RFX6: variants seen among roughly 807,000 people sequenced by gnomAD.
RFX6 encodes the protein DNA-binding protein RFX6.
A neutral mutation model predicts 110.8 loss-of-function variants in RFX6; 50 were observed. That is an observed-to-expected ratio of 0.45 (90% CI 0.36 to 0.57). RFX6 has a LOEUF of 0.57. Among genes scored for constraint, RFX6 ranks in the 20% least tolerant of loss-of-function variants. The probability of loss-of-function intolerance (pLI) is 0.00; values close to 1 mark genes in which losing one functional copy is unlikely to be tolerated. For synonymous variants in RFX6, 383 were observed against 411.2 expected, an observed-to-expected ratio of 0.93 and a Z score of 0.83; for missense variants, 990 against 1,127.0, an observed-to-expected ratio of 0.88 and a Z score of 1.74.
At chr6:116,898,880 G>A (rs372373264) in intron 6 of RFX6, among the ~76,000 whole-genome samples, 4 of 152,172 alleles carry the variant, frequency 2.6e-5, no homozygotes, top group African/African-American at 9.7e-5. Context: ...GTTTTCTAGA[G>A]AGAATATAGC....
At chr6:116,927,662 T>C in intron 17 of RFX6, 123 bp downstream of exon 17, 1 of 823,174 alleles carries the variant, frequency 1.2e-6, no homozygotes, top group Non-Finnish European at 2.0e-6. Context: ...GATCATGGAA[T>C]CTTAGACATT....
At chr6:116,894,169 A>G in intron 5 of RFX6, 105 bp downstream of exon 5, 1 of 767,136 alleles carries the variant, frequency 1.3e-6, no homozygotes, top group Non-Finnish European at 2.4e-6. Flanking sequence ...AGATGTTTCC[A>G]TTTAAGCATC....
chr6:116,915,822 T>C (rs557649866), intron 7 of RFX6, among the ~76,000 whole-genome samples, 186 bp from the exon 8 acceptor site: 1 of 152,270 alleles, frequency 6.6e-6, no homozygotes, highest in African/African-American at 2.4e-5. Flanking sequence ...ATTTGTTTGC[T>C]TTTCTCCCTT....
At chr6:116,877,988 T>C (rs1354441729) in intron 2 of RFX6, 36 bp downstream of exon 2, 6 of 1,603,440 alleles carry the variant, frequency 3.7e-6, no homozygotes, top group South Asian at 1.1e-5. Context: ...GAAGCACCTG[T>C]TGACGTTTTA....
At chr6:116,923,433 T>C (rs1775645328) in intron 14 of RFX6, 5 of 562,218 alleles carry the variant, frequency 8.9e-6, no homozygotes, top group Non-Finnish European at 1.6e-5. Flanking sequence ...TCTCTGGCTA[T>C]GGGCCAATCT....
chr6:116,903,180 A>T (rs1775113052), intron 6 of RFX6, among the ~76,000 whole-genome samples: 1 of 152,020 alleles, frequency 6.6e-6, no homozygotes, highest in South Asian at 2.1e-4. Context: ...CACTTACTGG[A>T]TATTATTCGA....
chr6:116,931,618 G>C lies in RFX6; in HGVS notation c.*112G>C. The C allele has an allele frequency of 2.5e-6, 2 of 811,842 alleles. No homozygotes were observed. 50.3% of individuals were successfully genotyped at this position (811,842 alleles called of 1,614,324 possible). A position where few individuals can be genotyped will look rare whatever the true frequency, so the allele number is the denominator to read the frequency against. ...AAATAAAAATGAATATGCAGTGGCT[G>C]ACATTGTTTTAAAGTCACTGGTACT... On this transcript the variant is annotated 3_prime_UTR_variant, in exon 19 of 19. Coordinates refer to ENST00000332958, the MANE Select transcript of RFX6 (RefSeq NM_173560.4).
intron 2 of RFX6, among the ~76,000 whole-genome samples, chr6:116,879,755 T>G (rs1485792014): frequency 6.6e-6 from 1 of 151,980 alleles, no homozygotes; most frequent in Admixed American, 6.5e-5. Context: ...AAAGTTTAAT[T>G]TCTACATTGC....
chr6:116,884,528 A>G (rs1334926455), intron 4 of RFX6, among the ~76,000 whole-genome samples: 3 of 152,196 alleles, frequency 2.0e-5, no homozygotes, highest in Admixed American at 1.3e-4. Context: ...TGATCAGTTT[A>G]ACTGACTGAT....
chr6:116,922,803 C>T (rs750906661), intron 13 of RFX6, among the ~76,000 whole-genome samples: 8 of 152,076 alleles, frequency 5.3e-5, no homozygotes, highest in Non-Finnish European at 1.0e-4. Context: ...ACCTCACCTT[C>T]TGTTCTTTTT....
intron 12 of RFX6, 24 bp from the exon 13 acceptor site, chr6:116,922,018 C>CTTTTTTTT: frequency 2.3e-6 from 2 of 883,482 alleles, no homozygotes; most frequent in Middle Eastern, 2.5e-4. Context: ...TCTTTTCTTT[C>CTTTTTTTT]TTTTTTTTTT....
intron 6 of RFX6, among the ~76,000 whole-genome samples, chr6:116,898,980 A>G (rs1775009850): frequency 6.6e-6 from 1 of 152,216 alleles, no homozygotes; most frequent in African/African-American, 2.4e-5. Flanking sequence ...ACCATCCTTG[A>G]GAGAATTGAA....
intron 4 of RFX6, among the ~76,000 whole-genome samples, chr6:116,884,176 G>A (rs1774650974): frequency 6.6e-6 from 1 of 152,108 alleles, no homozygotes; most frequent in African/African-American, 2.4e-5. Flanking sequence ...TTGAAAGAAT[G>A]TCTCTTGAAC....
chr6:116,931,252 G>A lies in RFX6; in HGVS notation c.2612-79G>A, dbSNP rs145277136. 1.1e-4 allele frequency: 114 copies of A among 1,011,488 alleles called. No individual in the cohort carries two copies. In the African/African-American group the frequency reaches 1.5e-3, roughly 13 times the overall value. The allele number at this position is 1,011,488 out of a possible 1,614,324, so 62.7% of individuals were successfully genotyped here. On this transcript the variant is annotated intron_variant, in intron 18 of 18. Coordinates refer to ENST00000332958, the MANE Select transcript of RFX6 (RefSeq NM_173560.4). ...GTGCTAAGTGCAAAAATAAATACAG[G>A]GTATTAAAATGAGTGGCATTTGCAG...
At chr6:116,918,705 G>A (rs985145633) in intron 10 of RFX6, among the ~76,000 whole-genome samples, 1 of 151,696 alleles carries the variant, frequency 6.6e-6, no homozygotes. Context: ...GACATAGTTG[G>A]TGCTCCAAAA....
rs147420703 is a variant in RFX6 at position 116,890,553 on chromosome 6, C to T, written c.567-3434C>T. On this transcript the variant is annotated intron_variant, in intron 4 of 18. Transcript: ENST00000332958. ...AAAAGAGTGTACTCTTTCACTGGTT[C>T]TCTATCTCCTGGCATGTATATAAGA... Among the ~76,000 whole-genome samples, 137 of 152,252 alleles carry T rather than the reference C, an allele frequency of 9.0e-4. No homozygotes were observed. The East Asian group carries it at 0.012, about 14-fold the overall frequency.
intron 4 of RFX6, among the ~76,000 whole-genome samples, chr6:116,885,720 GTT>G (rs149496347): frequency 9.2e-5 from 14 of 151,414 alleles, no homozygotes; most frequent in African/African-American, 3.4e-4. Context: ...GTTTTATTAA[GTT>G]TTTTTTTAAC....
At chr6:116,914,310 T>G (rs1013124831) in intron 7 of RFX6, among the ~76,000 whole-genome samples, 1 of 152,196 alleles carries the variant, frequency 6.6e-6, no homozygotes, top group African/African-American at 2.4e-5. Flanking sequence ...CCACATTTTC[T>G]TTATCCATTC....
chr6:116,927,595 C>A, intron 17 of RFX6, 56 bp downstream of exon 17: 1 of 1,430,938 alleles, frequency 7.0e-7, no homozygotes, highest in Non-Finnish European at 9.7e-7. Context: ...GAGGCAAAAT[C>A]AGACATTGCG....
Sources: gnomAD v4.1 joint callset for allele counts (sites outside exome capture counted in the v4.1 genomes callset) on GRCh38, gnomAD v4.1.1 for gene constraint, MANE v1.5 for transcripts, NCBI Gene and HGNC (gene_info 2026-07-23, HGNC 2026-07-21) for gene names.